PLCXD3: variants seen among roughly 807,000 people sequenced by gnomAD.
The protein encoded by PLCXD3 is PI-PLC X domain-containing protein 3.
PLCXD3 carries 19 observed loss-of-function variants against 25.5 expected under a neutral mutation model. The ratio of observed to expected loss-of-function variants is 0.75; its 90% CI spans 0.52 to 1.09. PLCXD3 has a LOEUF of 1.09. PLCXD3 is among the 50% of genes least tolerant of loss of function. The pLI, the probability that PLCXD3 is intolerant of heterozygous loss-of-function variation, is 0.00. For missense variants in PLCXD3, 411 were observed against 388.1 expected (o/e 1.06, Z -0.50); for synonymous variants, 174 against 137.6 (o/e 1.26, Z -1.85).
intron 2 of PLCXD3, among the ~76,000 whole-genome samples, chr5:41,347,046 G>T (rs1247549324): frequency 6.6e-6 from 1 of 152,138 alleles, no homozygotes; most frequent in Non-Finnish European, 1.5e-5. Context: ...GGATCATATG[G>T]TAAGACTAAG....
chr5:41,404,873 T>C (rs915860884), intron 1 of PLCXD3, among the ~76,000 whole-genome samples: 5 of 152,176 alleles, frequency 3.3e-5, no homozygotes, highest in African/African-American at 1.2e-4. Context: ...AGGTTTGACA[T>C]GCTGTGAATG....
intron 2 of PLCXD3, among the ~76,000 whole-genome samples, chr5:41,322,548 C>T (rs182930378): frequency 3.9e-5 from 6 of 152,326 alleles, no homozygotes; most frequent in Non-Finnish European, 8.8e-5. Context: ...CCAGCAATCC[C>T]ACTGCTGGGT....
At chr5:41,379,912 G>A (rs1438167441) in intron 2 of PLCXD3, among the ~76,000 whole-genome samples, 1 of 152,042 alleles carries the variant, frequency 6.6e-6, no homozygotes, top group Admixed American at 6.6e-5. Context: ...AGAAAGTCAT[G>A]CACTTTCATA....
At chr5:41,485,747 C>G (rs1232471338) in intron 1 of PLCXD3, among the ~76,000 whole-genome samples, 1 of 152,176 alleles carries the variant, frequency 6.6e-6, no homozygotes, top group Non-Finnish European at 1.5e-5. Flanking sequence ...ATGCATTACA[C>G]ATTTTCGCTG....
In PLCXD3 at chr5:41,382,123, G is replaced by A; in HGVS notation, c.515C>T (p.Pro172Leu). The A allele has an allele frequency of 2.5e-6, 4 of 1,613,638 alleles. No homozygotes were observed. Among genetic ancestry groups the A allele is most frequent in the Non-Finnish European group, 3.4e-6 (4 of 1,179,748 alleles). Reference protein sequence around the residue: ...LKDIYGNKMCPAIFAQEVSLK... With the variant: ...LKDIYGNKMCLAIFAQEVSLK... Reference sequence around the variant, plus strand: ...ACTAACTTCCTGGGCAAAAATCGCTGGGCACATTTTATTTCCATAGATGTC... The same window carrying A: ...ACTAACTTCCTGGGCAAAAATCGCTAGGCACATTTTATTTCCATAGATGTC... The change falls in exon 2 of 3, where the codon CCA becomes CTA. Residue 172 changes from proline (P) to leucine (L), a missense_variant. Transcript: ENST00000377801.
At chr5:41,429,718 G>A (rs1747047749) in intron 1 of PLCXD3, among the ~76,000 whole-genome samples, 1 of 152,166 alleles carries the variant, frequency 6.6e-6, no homozygotes, top group East Asian at 1.9e-4. Flanking sequence ...ATATGATAAG[G>A]AGGGAGGATG....
intron 2 of PLCXD3, among the ~76,000 whole-genome samples, chr5:41,378,780 C>T (rs1745369960): frequency 6.6e-6 from 1 of 152,032 alleles, no homozygotes; most frequent in Non-Finnish European, 1.5e-5. Flanking sequence ...CAGCACTTTC[C>T]TAACTGATTT....
Position 41,352,980 on chromosome 5 carries a change from T to C in PLCXD3, c.812+28846A>G, listed in dbSNP as rs1406121574. ...ACTTTCTCATATGATTTAAAGCCAG[T>C]GCCTATCATGGCTAAGAAGGTTTGC... On this transcript the variant is annotated intron_variant, in intron 2 of 2. Transcript: ENST00000377801. Among the ~76,000 whole-genome samples, 4 of 152,172 alleles carry C rather than the reference T, an allele frequency of 2.6e-5. No individual in the cohort carries two copies. In the South Asian group the frequency reaches 6.2e-4, roughly 24 times the overall value.
intron 2 of PLCXD3, among the ~76,000 whole-genome samples, chr5:41,355,293 CTT>C (rs1415319876): frequency 6.6e-6 from 1 of 152,200 alleles, no homozygotes; most frequent in Non-Finnish European, 1.5e-5. Context: ...ATTCTTCTGT[CTT>C]TGGAGATCAT....
chr5:41,342,656 A>T (rs1341425347), intron 2 of PLCXD3, among the ~76,000 whole-genome samples: 1 of 152,190 alleles, frequency 6.6e-6, no homozygotes, highest in East Asian at 1.9e-4. Context: ...CTCATTCTTT[A>T]TCTAGGTTTA....
chr5:41,497,216 A>C (rs508669), intron 1 of PLCXD3, among the ~76,000 whole-genome samples: 86,623 of 151,638 alleles, frequency 0.57, 26,390 homozygotes, highest in African/African-American at 0.81. Context: ...TAAGTCTTTT[A>C]CTATACAATT....
chr5:41,380,919 A>G (rs1745438769), intron 2 of PLCXD3, among the ~76,000 whole-genome samples: 1 of 152,158 alleles, frequency 6.6e-6, no homozygotes, highest in African/African-American at 2.4e-5. Context: ...CCTCACAGGT[A>G]ATGAACATCC....
At chr5:41,366,909 C>T (rs563157631) in intron 2 of PLCXD3, among the ~76,000 whole-genome samples, 2 of 152,278 alleles carry the variant, frequency 1.3e-5, no homozygotes, top group African/African-American at 4.8e-5. Flanking sequence ...TCTGTCCATG[C>T]GTTTATTTGC....
At chr5:41,403,406 T>TGTTTGTTTG (rs1371630089) in intron 1 of PLCXD3, among the ~76,000 whole-genome samples, 7 of 30,758 alleles carry the variant, frequency 2.3e-4, no homozygotes, top group Admixed American at 1.8e-3. Flanking sequence ...TTGTTGTTTT[T>TGTTTGTTTG]TTTTTTTTTT....
intron 1 of PLCXD3, among the ~76,000 whole-genome samples, chr5:41,472,259 A>T (rs1748182716): frequency 6.6e-6 from 1 of 152,112 alleles, no homozygotes; most frequent in Non-Finnish European, 1.5e-5. Context: ...GCCATCCCTT[A>T]AATTTTAGAA....
At chr5:41,480,038 G>C (rs562545897) in intron 1 of PLCXD3, among the ~76,000 whole-genome samples, 1 of 152,084 alleles carries the variant, frequency 6.6e-6, no homozygotes. Flanking sequence ...AAATGCATTT[G>C]TTATGATTAT....
At chr5:41,454,509 T>A (rs1159605558) in intron 1 of PLCXD3, among the ~76,000 whole-genome samples, 1 of 151,990 alleles carries the variant, frequency 6.6e-6, no homozygotes, top group Non-Finnish European at 1.5e-5. Flanking sequence ...GACAGAGCCC[T>A]AATGACCTAA....
chr5:41,413,390 C>A (rs987184287), intron 1 of PLCXD3, among the ~76,000 whole-genome samples: 18 of 152,134 alleles, frequency 1.2e-4, no homozygotes, highest in African/African-American at 4.3e-4. Flanking sequence ...AATGAGCAAA[C>A]ATGCATTGAA....
intron 1 of PLCXD3, among the ~76,000 whole-genome samples, chr5:41,503,581 A>C (rs368773049): frequency 6.6e-6 from 1 of 152,152 alleles, no homozygotes; most frequent in African/African-American, 2.4e-5. Flanking sequence ...TTACTGACCT[A>C]TCTTCCTGTC....
Sources: allele counts gnomAD v4.1 joint callset (sites outside exome capture counted in the v4.1 genomes callset), GRCh38; gene constraint gnomAD v4.1.1; transcripts MANE v1.5; gene names NCBI Gene and HGNC (gene_info 2026-07-23, HGNC 2026-07-21).